The following F9 variants were observed in gnomAD, a reference collection of about 807,000 sequenced individuals.
The protein encoded by F9 is Christmas factor.
Under a neutral mutation model 34.1 loss-of-function variants are expected in F9, and 2 were observed. That is an observed-to-expected ratio of 0.06 (90% CI 0.02 to 0.18). The LOEUF (loss-of-function observed/expected upper bound fraction) is 0.18, where lower values mean the gene tolerates loss of function less well. Ranked by LOEUF, F9 falls within the 10% of genes least tolerant of loss-of-function variation. The pLI, the probability that F9 is intolerant of heterozygous loss-of-function variation, is 1.00. For missense variants in F9, 216 were observed against 345.1 expected, an observed-to-expected ratio of 0.63 and a Z score of 2.96; for synonymous variants, 137 against 118.8, an observed-to-expected ratio of 1.15 and a Z score of -1.00.
rs375658633 is a variant in F9, at chrX:139,548,436, C to T, written c.465C>T (p.Cys155=). The T allele has an allele frequency of 3.4e-5, 41 of 1,208,663 alleles. No homozygotes were observed. The highest frequency in any genetic ancestry group is 4.5e-5 in the Non-Finnish European group (40 of 894,208). ...ATAGTGCTGATAACAAGGTGGTTTG[C>T]TCCTGTACTGAGGGATATCGACTTG... ...CKNSADNKVV[C]SCTEGYRLAE... is the part of the protein sequence containing the mutation. Residue 155 remains cysteine, a synonymous_variant, in exon 5 of 8, where the codon TGC becomes TGT. Coordinates refer to ENST00000218099, the MANE Select transcript of F9 (RefSeq NM_000133.4).
At chrX:139,535,452 G>A (rs1799772227) in intron 1 of F9, among the ~76,000 whole-genome samples, 1 of 112,143 alleles carries the variant, frequency 8.9e-6, no homozygotes, top group Admixed American at 9.4e-5. Context: ...AAGCAGGGAT[G>A]TCAAGGGACT....
intron 6 of F9, among the ~76,000 whole-genome samples, chrX:139,552,694 ACT>A (rs1927873871): frequency 8.9e-6 from 1 of 112,455 alleles, no homozygotes; most frequent in Non-Finnish European, 1.9e-5. Context: ...GAGATAGAAC[ACT>A]CTATTACTGC....
rs1928138235 is a variant in F9, at chrX:139,562,171, A to G, written c.*100A>G. On this transcript the variant is annotated 3_prime_UTR_variant, in exon 8 of 8. Coordinates refer to ENST00000218099, the MANE Select transcript of F9 (RefSeq NM_000133.4). ...CATCTTTTGTTAGATTTGAATATAT[A>G]CATTCTATGATCATTGCTTTTTCTC... is the stretch of plus-strand genomic sequence containing the variant. The G allele has an allele frequency of 1.4e-6, 1 of 729,302 alleles. No individual in the cohort carries two copies. Among genetic ancestry groups the G allele is most frequent in the African/African-American group, 2.1e-5 (1 of 47,278 alleles). 60.1% of individuals were successfully genotyped at this position (729,302 alleles called of 1,213,427 possible). A position where few individuals can be genotyped will look rare whatever the true frequency, so the allele number is the denominator to read the frequency against.
chrX:139,560,781 C>G lies in F9; in HGVS notation c.764C>G (p.Ser255Cys). 3 of 1,210,522 alleles carry G rather than the reference C, an allele frequency of 2.5e-6. No homozygotes were observed. Among genetic ancestry groups the G allele is most frequent in the South Asian group, 3.5e-5 (2 of 56,927 alleles). The change falls in exon 7 of 8, where the codon TCT becomes TGT. Residue 255 changes from serine (S) to cysteine (C), a missense_variant. Coordinates refer to ENST00000218099, the MANE Select transcript of F9 (RefSeq NM_000133.4). ...NGKVDAFCGG[S>C]IVNEKWIVTA... ...AAAGTTGATGCATTCTGTGGAGGCT[C>G]TATCGTTAATGAAAAATGGATTGTA...
At chrX:139,552,412 T>C (rs920472440) in intron 6 of F9, among the ~76,000 whole-genome samples, 2 of 111,814 alleles carry the variant, frequency 1.8e-5, no homozygotes, top group African/African-American at 6.5e-5. Context: ...ATCTGGGTTG[T>C]AACTTAGCCT....
At chrX:139,548,551 CA>C in intron 5 of F9, 60 bp downstream of exon 5, 1 of 1,117,151 alleles carries the variant, frequency 9.0e-7, no homozygotes, top group Non-Finnish European at 1.2e-6. Flanking sequence ...AGCATTTTAA[CA>C]AACCTACATA....
chrX:139,541,019 G>T, intron 3 of F9, 57 bp from the exon 4 acceptor site: 1 of 881,315 alleles, frequency 1.1e-6, no homozygotes, highest in Non-Finnish European at 1.6e-6. Flanking sequence ...CTACAGGGGA[G>T]GACCGGGCAT....
intron 3 of F9, among the ~76,000 whole-genome samples, chrX:139,540,598 C>T (rs1032795552): frequency 9.0e-6 from 1 of 111,650 alleles, no homozygotes; most frequent in South Asian, 3.7e-4. Context: ...CTGCCTAGGC[C>T]GTCAGTTCCT....
intron 4 of F9, among the ~76,000 whole-genome samples, chrX:139,543,896 G>C (rs1428670010): frequency 9.0e-6 from 1 of 111,464 alleles, no homozygotes; most frequent in Non-Finnish European, 1.9e-5. Flanking sequence ...CCTTAGCCCT[G>C]CTCTATGGAA....
Position 139,560,724 on chromosome X carries a change from T to C in F9, c.724-17T>C. ...CAAATGTATTATGCAGTAAGAGTCT[T>C]AATTTTGTTTTCACAGGTTGTTTTG... is the stretch of plus-strand genomic sequence containing the variant. On this transcript the variant is annotated splice_polypyrimidine_tract_variant and intron_variant, in intron 6 of 7. Coordinates refer to ENST00000218099, the MANE Select transcript of F9 (RefSeq NM_000133.4). 1.8e-6 allele frequency: 2 copies of C among 1,096,097 alleles called. No homozygotes were observed. Among genetic ancestry groups the C allele is most frequent in the Middle Eastern group, 2.5e-4 (1 of 4,055 alleles). 90.3% of individuals were successfully genotyped at this position (1,096,097 alleles called of 1,213,427 possible).
intron 6 of F9, among the ~76,000 whole-genome samples, chrX:139,553,641 G>A (rs186256294): frequency 2.8e-5 from 3 of 108,482 alleles, no homozygotes; most frequent in Non-Finnish European, 5.7e-5. Flanking sequence ...GTGAAACCCC[G>A]TCTCTTCCAA....
In F9 at chrX:139,548,461, G is replaced by A; in HGVS notation, c.490G>A (p.Ala164Thr). The stretch of plus-strand genomic sequence containing the variant: ...CTCCTGTACTGAGGGATATCGACTT[G>A]CAGAAAACCAGAAGTCCTGTGAACC... Reference protein sequence around the residue: ...VCSCTEGYRLAENQKSCEPAV... With the variant: ...VCSCTEGYRLTENQKSCEPAV... Residue 164 changes from alanine to threonine, a missense_variant, in exon 5 of 8, where the codon GCA (alanine) becomes ACA (threonine). Transcript: ENST00000218099. The A allele has an allele frequency of 8.3e-7, 1 of 1,210,170 alleles. No individual in the cohort carries two copies.
At chrX:139,556,012 G>A (rs985016498) in intron 6 of F9, among the ~76,000 whole-genome samples, 4 of 111,528 alleles carry the variant, frequency 3.6e-5, no homozygotes, top group African/African-American at 1.3e-4. Flanking sequence ...TTCTAAGCAT[G>A]CGCAAACTGG....
At chrX:139,536,263 G>GTATATATATGTACACACATATA (rs1927471410) in intron 1 of F9, among the ~76,000 whole-genome samples, 6 of 65,159 alleles carry the variant, frequency 9.2e-5, no homozygotes, top group African/African-American at 2.6e-4. Flanking sequence ...ACACATATAT[G>GTATATATATGTACACACATATA]TATATATATA....
rs190101182 is a variant in F9, at chrX:139,557,922, T to G, written c.724-2819T>G. On this transcript the variant is annotated intron_variant, in intron 6 of 7. Coordinates refer to ENST00000218099, the MANE Select transcript of F9 (RefSeq NM_000133.4). ...GGACTTGAATCCCTGCAGCCCCATT[T>G]CACTTCTCACCACCTTCCGGGGTGG... 2.7e-3 allele frequency among the ~76,000 whole-genome samples: 298 copies of G among 112,389 alleles called. 1 individual carries two copies. Among genetic ancestry groups the G allele is most frequent in the African/African-American group, 9.1e-3 (281 of 30,966 alleles).
chrX:139,553,519 C>CA (rs1356115597), intron 6 of F9, among the ~76,000 whole-genome samples: 1 of 111,256 alleles, frequency 9.0e-6, no homozygotes, highest in Non-Finnish European at 1.9e-5. Flanking sequence ...GGACATAGAA[C>CA]AGTGCTCAGA....
intron 3 of F9, 31 bp downstream of exon 3, chrX:139,537,417 A>G: frequency 9.2e-7 from 1 of 1,088,091 alleles, no homozygotes; most frequent in Non-Finnish European, 1.3e-6. Flanking sequence ...TCTAGCTAAT[A>G]TATGAAACAT....
At position 139,551,115 on chromosome X, in the gene F9, GCTGAGACTGTTTTTC is replaced by G. The variant is rs1202634089; in HGVS notation, c.579_593del (p.Glu193_Pro197del). ...TTCACAAACTTCTAAGCTCACCCGT[GCTGAGACTGTTTTTC>G]CTGATGTGGACTATGTAAATTCTAC... is the stretch of plus-strand genomic sequence containing the variant. On this transcript the variant is annotated inframe_deletion, in exon 6 of 8. Transcript: ENST00000218099. The G allele has an allele frequency of 2.0e-5, 24 of 1,209,767 alleles. No homozygotes were observed. Among genetic ancestry groups the G allele is most frequent in the Non-Finnish European group, 2.6e-5 (23 of 894,979 alleles).
At chrX:139,536,446 A>G (rs768509290) in intron 1 of F9, among the ~76,000 whole-genome samples, 92 of 110,670 alleles carry the variant, frequency 8.3e-4, no homozygotes, top group Non-Finnish European at 1.6e-3. Context: ...AGATGCTTAA[A>G]TCACTGCAAT....
Sources: allele counts gnomAD v4.1 joint callset (sites outside exome capture counted in the v4.1 genomes callset), GRCh38; gene constraint gnomAD v4.1.1; transcripts MANE v1.5; gene names NCBI Gene and HGNC (gene_info 2026-07-23, HGNC 2026-07-21).